DENND1C: variants seen among roughly 807,000 people sequenced by gnomAD.
DENND1C encodes DENN domain-containing protein 1C.
Under a neutral mutation model 87.9 loss-of-function variants are expected in DENND1C, and 64 were observed. That is an observed-to-expected ratio of 0.73 (90% CI 0.60 to 0.90). DENND1C has a LOEUF of 0.90. DENND1C is among the 40% of genes least tolerant of loss of function. The pLI is 0.00. For missense variants in DENND1C, 980 were observed against 1,037.0 expected (o/e 0.95, Z 0.76); for synonymous variants, 384 against 424.4 (o/e 0.90, Z 1.17).
At chr19:6,481,005 C>T (rs959039887) in intron 1 of DENND1C, among the ~76,000 whole-genome samples, 1 of 151,774 alleles carries the variant, frequency 6.6e-6, no homozygotes, top group African/African-American at 2.4e-5. Flanking sequence ...TGGGTAACCG[C>T]GTGGGATCCT....
At chr19:6,476,062 G>T in intron 10 of DENND1C, 125 bp from the exon 11 acceptor site, 3 of 912,674 alleles carry the variant, frequency 3.3e-6, no homozygotes, top group Middle Eastern at 6.6e-4. Flanking sequence ...GATAATGAGT[G>T]ACAACTCGAA....
intron 14 of DENND1C, 148 bp from the exon 15 acceptor site, chr19:6,473,141 C>T: frequency 1.8e-6 from 1 of 558,636 alleles, no homozygotes; most frequent in South Asian, 3.0e-5. Context: ...AGGACTTAAG[C>T]TGTTTTTTGT....
At chr19:6,470,009 G>A in intron 18 of DENND1C, 1 of 467,758 alleles carries the variant, frequency 2.1e-6, no homozygotes, top group Non-Finnish European at 3.8e-6. Context: ...TAGCATCCAA[G>A]GACAAAAAGA....
At chr19:6,480,182 TTGTGGCTGTGAGTG>T in intron 1 of DENND1C, 131 bp from the exon 2 acceptor site, 1 of 1,492,250 alleles carries the variant, frequency 6.7e-7, no homozygotes. Flanking sequence ...CTCTGGGGGT[TTGTGGCTGTGAGTG>T]TGTGGTTGTG....
intron 21 of DENND1C, 50 bp downstream of exon 21, chr19:6,468,528 A>T (rs1248612808): frequency 6.4e-7 from 1 of 1,556,940 alleles, no homozygotes; most frequent in East Asian, 2.4e-5. Context: ...CCTCCTCCCC[A>T]TCAGTCCTGG....
rs771960483 is a variant in DENND1C, at chr19:6,475,680, C to G, written c.825+26G>C. 103 of 1,606,048 alleles carry G rather than the reference C, an allele frequency of 6.4e-5. No homozygotes were observed. In the Admixed American group the frequency reaches 1.2e-3, roughly 19 times the overall value. On this transcript the variant is annotated intron_variant, in intron 12 of 22. Coordinates refer to ENST00000381480, the MANE Select transcript of DENND1C (RefSeq NM_024898.4). ...GAGGAAGGGGGAACCCTCACGTCCCCGTCGTCTGGGTAGATCCACGCTCAC... is the reference window on the plus strand; with the variant it reads ...GAGGAAGGGGGAACCCTCACGTCCCGGTCGTCTGGGTAGATCCACGCTCAC...
chr19:6,480,815 G>A (rs933934459), intron 1 of DENND1C, among the ~76,000 whole-genome samples: 1 of 151,826 alleles, frequency 6.6e-6, no homozygotes, highest in Non-Finnish European at 1.5e-5. Context: ...TACTGGCCAG[G>A]CTGTTCTCAA....
chr19:6,480,534 C>T (rs1370846509), intron 1 of DENND1C: 1 of 888,770 alleles, frequency 1.1e-6, no homozygotes, highest in Non-Finnish European at 1.3e-6. Flanking sequence ...ATCCACCCAC[C>T]CACCCACCTA....
Position 6,479,002 on chromosome 19 carries a change from G to A in DENND1C, c.231C>T (p.Ala77=), listed in dbSNP as rs530961475. 8.4e-5 allele frequency: 136 copies of A among 1,613,948 alleles called. 1 individual carries two copies. In the South Asian group the frequency reaches 1.2e-3, roughly 14 times the overall value. ...QHFTFALTDL[A]GNRRFGFCRL... is the part of the protein sequence containing the mutation. ...GGCAGAAACCAAATCTGCGGTTGCC[G>A]GCAAGGTCTGTGAGGGCGAAGGTGA... Residue 77 remains alanine (A), a synonymous_variant, in exon 5 of 23, where the codon GCC becomes GCT. Transcript: ENST00000381480.
chr19:6,473,065 G>T, intron 14 of DENND1C, 72 bp from the exon 15 acceptor site: 1 of 1,169,098 alleles, frequency 8.6e-7, no homozygotes, highest in Non-Finnish European at 1.1e-6. Context: ...ATATATTTAT[G>T]TAGCAAACAT....
chr19:6,481,783 T>C lies in DENND1C; in HGVS notation c.-88A>G. On this transcript the variant is annotated 5_prime_UTR_variant, in exon 1 of 23. Coordinates refer to ENST00000381480, the MANE Select transcript of DENND1C (RefSeq NM_024898.4). ...TGGGCCCCAAGCCGGCTCAGCTTCCTGTGTGGCTGAGAGAGGAAGTTTAAC... is the reference window on the plus strand; with the variant it reads ...TGGGCCCCAAGCCGGCTCAGCTTCCCGTGTGGCTGAGAGAGGAAGTTTAAC... The C allele has an allele frequency of 7.0e-7, 1 of 1,423,408 alleles. No homozygotes were observed. The highest frequency in any genetic ancestry group is 9.3e-7 in the Non-Finnish European group (1 of 1,078,704). The allele number at this position is 1,423,408 out of a possible 1,614,324, so 88.2% of individuals were successfully genotyped here. A position where few individuals can be genotyped will look rare whatever the true frequency, so the allele number is the denominator to read the frequency against.
Position 6,467,413 on chromosome 19 carries a change from G to T in DENND1C, c.*91C>A. 1 of 1,422,766 alleles carries T rather than the reference G, an allele frequency of 7.0e-7. No homozygotes were observed. The highest frequency in any genetic ancestry group is 9.2e-7 in the Non-Finnish European group (1 of 1,082,358). 88.1% of individuals were successfully genotyped at this position (1,422,766 alleles called of 1,614,324 possible). The stretch of plus-strand genomic sequence containing the variant: ...GGATGGATTTCCGAGCAGAGTGAGG[G>T]CACCAGAGAAATTCACCAGGAAAAA... On this transcript the variant is annotated 3_prime_UTR_variant, in exon 23 of 23. Coordinates refer to ENST00000381480, the MANE Select transcript of DENND1C (RefSeq NM_024898.4).
At chr19:6,480,406 A>C (rs1303300996) in intron 1 of DENND1C, 1 of 1,166,352 alleles carries the variant, frequency 8.6e-7, no homozygotes, top group African/African-American at 1.6e-5. Context: ...ATGAGACTGC[A>C]CAGATATGAA....
At chr19:6,473,816 G>GGGGGGGGGGGGGGA (rs1231177042) in intron 14 of DENND1C, among the ~76,000 whole-genome samples, 1,105 of 130,972 alleles carry the variant, frequency 8.4e-3, no homozygotes, top group Non-Finnish European at 0.011. Flanking sequence ...GGGGGGTGGG[G>GGGGGGGGGGGGGGA]GGAGGGAAAT....
chr19:6,478,469 C>T (rs1421534424), intron 6 of DENND1C, among the ~76,000 whole-genome samples: 1 of 150,912 alleles, frequency 6.6e-6, no homozygotes, highest in Non-Finnish European at 1.5e-5. Flanking sequence ...TCGGTCAGGC[C>T]GGTCTCGAAC....
chr19:6,481,778 C>T lies in DENND1C; in HGVS notation c.-83G>A. ...TATGCTGGGCCCCAAGCCGGCTCAG[C>T]TTCCTGTGTGGCTGAGAGAGGAAGT... On this transcript the variant is annotated 5_prime_UTR_variant, in exon 1 of 23. Coordinates refer to ENST00000381480, the MANE Select transcript of DENND1C (RefSeq NM_024898.4). The T allele has an allele frequency of 1.1e-5, 16 of 1,439,744 alleles. No homozygotes were observed. The highest frequency in any genetic ancestry group is 1.5e-5 in the Non-Finnish European group (16 of 1,091,746). 89.2% of individuals were successfully genotyped at this position (1,439,744 alleles called of 1,614,324 possible). A position where few individuals can be genotyped will look rare whatever the true frequency, so the allele number is the denominator to read the frequency against.
chr19:6,471,631 G>T, intron 15 of DENND1C, 135 bp from the exon 16 acceptor site: 1 of 709,984 alleles, frequency 1.4e-6, no homozygotes, highest in Non-Finnish European at 2.2e-6. Flanking sequence ...CTGGGAAACT[G>T]GAGCCCACTT....
Position 6,468,629 on chromosome 19 carries a change from G to C in DENND1C, c.1532C>G (p.Pro511Arg), listed in dbSNP as rs1042012931. 1.2e-5 allele frequency: 18 copies of C among 1,493,602 alleles called. 1 individual carries two copies. The South Asian group carries it at 2.3e-4, about 19-fold the overall frequency. 92.5% of individuals were successfully genotyped at this position (1,493,602 alleles called of 1,614,324 possible). A position where few individuals can be genotyped will look rare whatever the true frequency, so the allele number is the denominator to read the frequency against. ...QHFGKNRPLR[P>R]SRRRQLEEGT... ...CTCTTCCAGCTGGCGTCTCCTGCTG[G>C]GGCGAAGGGGCCGGTTCTGCAAAGG... The change falls in exon 21 of 23, where the codon CCC (proline) becomes CGC (arginine). Residue 511 changes from proline to arginine, a missense_variant. Physicochemically the swap from Pro to Arg is moderately radical, Grantham distance 103. Transcript: ENST00000381480.
chr19:6,469,000 C>T (rs1371028437), intron 19 of DENND1C, 47 bp from the exon 20 acceptor site: 1 of 1,133,522 alleles, frequency 8.8e-7, no homozygotes. Flanking sequence ...AGAGTCTCCC[C>T]ACCACCCCCT....
Sources: gnomAD v4.1 joint callset for allele counts (sites outside exome capture counted in the v4.1 genomes callset) on GRCh38, gnomAD v4.1.1 for gene constraint, MANE v1.5 for transcripts, NCBI Gene and HGNC (gene_info 2026-07-23, HGNC 2026-07-21) for gene names.